PLEKHA6: variants seen among roughly 807,000 people sequenced by gnomAD.
The protein encoded by PLEKHA6 is pleckstrin homology domain containing A6.
PLEKHA6 carries 60 observed loss-of-function variants against 116.7 expected under a neutral mutation model. The observed-to-expected ratio is 0.51, with a 90% CI of 0.42 to 0.64. The LOEUF is 0.64. Among genes scored for constraint, PLEKHA6 ranks in the 30% least tolerant of loss-of-function variants. The pLI, the probability that PLEKHA6 is intolerant of heterozygous loss-of-function variation, is 0.00. For synonymous variants in PLEKHA6, 489 were observed against 556.1 expected (o/e 0.88, Z 1.70); for missense variants, 1,338 against 1,422.7 (o/e 0.94, Z 0.96).
At position 204,359,714 on chromosome 1, in the gene PLEKHA6, C is replaced by T; in HGVS notation, c.-115G>A. 1 of 977,942 alleles carries T rather than the reference C, an allele frequency of 1.0e-6. No individual in the cohort carries two copies. The highest frequency in any genetic ancestry group is 1.2e-6 in the Non-Finnish European group (1 of 823,122). The allele number at this position is 977,942 out of a possible 1,614,324, so 60.6% of individuals were successfully genotyped here. On this transcript the variant is annotated 5_prime_UTR_variant, in exon 1 of 23. Coordinates refer to ENST00000272203, the MANE Select transcript of PLEKHA6 (RefSeq NM_014935.5). ...CTCACCGGCTTCTGAGGTGTGATCC[C>T]CGCGCTGGAAAGCTCTAACTCTGCG...
intron 1 of PLEKHA6, chr1:204,280,369 C>A: frequency 1.0e-6 from 1 of 985,436 alleles, no homozygotes; most frequent in Non-Finnish European, 1.2e-6. Context: ...CACACACTCC[C>A]AGGCTGGATG....
intron 1 of PLEKHA6, among the ~76,000 whole-genome samples, chr1:204,341,881 C>A (rs1418534098): frequency 6.6e-6 from 1 of 152,142 alleles, no homozygotes; most frequent in Non-Finnish European, 1.5e-5. Context: ...TAAGTACAAT[C>A]TATATTTTTT....
intron 21 of PLEKHA6, among the ~76,000 whole-genome samples, chr1:204,227,540 C>T (rs1171277682): frequency 6.6e-6 from 1 of 152,124 alleles, no homozygotes; most frequent in East Asian, 1.9e-4. Flanking sequence ...GAAGTCAGTT[C>T]CTCATAGTTA....
intron 17 of PLEKHA6, among the ~76,000 whole-genome samples, chr1:204,231,357 C>T (rs115921071): frequency 0.013 from 2,050 of 152,138 alleles, 55 homozygotes; most frequent in African/African-American, 0.047. Flanking sequence ...AGTTATGCCT[C>T]AGTATCCCAG....
intron 1 of PLEKHA6, among the ~76,000 whole-genome samples, chr1:204,308,693 T>TTTTTC (rs1671513126): frequency 5.0e-5 from 5 of 99,028 alleles, no homozygotes; most frequent in African/African-American, 1.8e-4. Context: ...TTTTCTTTTT[T>TTTTTC]TTTTTTTTTT....
intron 1 of PLEKHA6, chr1:204,309,210 A>T (rs1050138291): frequency 5.0e-6 from 1 of 198,958 alleles, no homozygotes; most frequent in African/African-American, 2.4e-5. Context: ...TCTCCCCCGC[A>T]TCTCAACCTC....
intron 15 of PLEKHA6, among the ~76,000 whole-genome samples, chr1:204,243,944 C>T (rs1335925672): frequency 3.3e-5 from 5 of 152,092 alleles, no homozygotes; most frequent in East Asian, 1.9e-4. Context: ...GCTCAGCCTC[C>T]GGAGTAGCTG....
chr1:204,320,457 G>A (rs1330275748), intron 1 of PLEKHA6: 1 of 977,732 alleles, frequency 1.0e-6, no homozygotes, highest in Non-Finnish European at 1.2e-6. Context: ...GGAAGGAGCA[G>A]TGGCTTCTAT....
chr1:204,349,886 G>A (rs942676345), intron 1 of PLEKHA6, among the ~76,000 whole-genome samples: 86 of 152,210 alleles, frequency 5.7e-4, no homozygotes, highest in Non-Finnish European at 9.3e-4. Flanking sequence ...AAGTTGAAGG[G>A]TGAAGACTAT....
chr1:204,337,723 G>T (rs1672700732), intron 1 of PLEKHA6, among the ~76,000 whole-genome samples: 3 of 152,148 alleles, frequency 2.0e-5, no homozygotes, highest in Non-Finnish European at 2.9e-5. Flanking sequence ...ACTTGGGGGG[G>T]GAATCCAGGG....
chr1:204,230,799 A>G (rs1337461327), intron 17 of PLEKHA6, among the ~76,000 whole-genome samples: 1 of 152,208 alleles, frequency 6.6e-6, no homozygotes, highest in Non-Finnish European at 1.5e-5. Context: ...AGTGGGCCCT[A>G]AATCCAATGG....
At chr1:204,280,439 C>T (rs1027504936) in intron 1 of PLEKHA6, 16 of 985,256 alleles carry the variant, frequency 1.6e-5, no homozygotes, top group African/African-American at 3.5e-5. Context: ...TCCTTCCACC[C>T]ACTGGGCCTC....
At chr1:204,310,775 T>C (rs1237612497) in intron 1 of PLEKHA6, among the ~76,000 whole-genome samples, 4 of 152,108 alleles carry the variant, frequency 2.6e-5, no homozygotes, top group Non-Finnish European at 5.9e-5. Context: ...TCATCTACAA[T>C]AAAAGCTAGT....
chr1:204,342,943 G>A (rs979503751), intron 1 of PLEKHA6, among the ~76,000 whole-genome samples: 6 of 152,194 alleles, frequency 3.9e-5, no homozygotes, highest in Non-Finnish European at 8.8e-5. Flanking sequence ...ACGCCAGATC[G>A]CAGAACAGCA....
At chr1:204,237,088 G>A (rs1431024095) in intron 17 of PLEKHA6, among the ~76,000 whole-genome samples, 4 of 152,128 alleles carry the variant, frequency 2.6e-5, no homozygotes, top group African/African-American at 7.2e-5. Context: ...TGATTCCAGG[G>A]GACCCAAAAC....
chr1:204,294,542 T>C lies in PLEKHA6; in HGVS notation c.-94-19733A>G, dbSNP rs370406109. 5.9e-5 allele frequency among the ~76,000 whole-genome samples: 9 copies of C among 152,362 alleles called. 1 individual carries two copies. The South Asian group carries it at 1.9e-3, about 32-fold the overall frequency. ...CCCAAAGCCAGCTTTCTTCCCACTTTATGTTAGTTGTGCAACTTGAAATTC... is the reference window on the plus strand; with the variant it reads ...CCCAAAGCCAGCTTTCTTCCCACTTCATGTTAGTTGTGCAACTTGAAATTC... On this transcript the variant is annotated intron_variant, in intron 1 of 22. Transcript: ENST00000272203.
chr1:204,302,802 G>A (rs1350719307), intron 1 of PLEKHA6, among the ~76,000 whole-genome samples: 1 of 152,178 alleles, frequency 6.6e-6, no homozygotes, highest in Non-Finnish European at 1.5e-5. Context: ...CTTGAACCCA[G>A]GAGGTGGAGG....
At chr1:204,225,498 C>G (rs577530917) in intron 21 of PLEKHA6, among the ~76,000 whole-genome samples, 11 of 152,216 alleles carry the variant, frequency 7.2e-5, no homozygotes, top group Non-Finnish European at 1.5e-4. Context: ...TGACACTGTA[C>G]TTTCTCCCAG....
chr1:204,244,151 G>T (rs1164871943), intron 15 of PLEKHA6, among the ~76,000 whole-genome samples: 1 of 151,688 alleles, frequency 6.6e-6, no homozygotes, highest in East Asian at 1.9e-4. Flanking sequence ...ATTATTTTTT[G>T]AGATGGAGTC....
Sources: gnomAD v4.1 joint callset for allele counts (sites outside exome capture counted in the v4.1 genomes callset) on GRCh38, gnomAD v4.1.1 for gene constraint, MANE v1.5 for transcripts, NCBI Gene and HGNC (gene_info 2026-07-23, HGNC 2026-07-21) for gene names.